DST: variants seen among roughly 807,000 people sequenced by gnomAD.
The protein encoded by DST is bullous pemphigoid antigen.
DST carries 253 observed loss-of-function variants against 875.2 expected under a neutral mutation model. That is an observed-to-expected ratio of 0.29 (90% CI 0.26 to 0.32). The LOEUF (loss-of-function observed/expected upper bound fraction) is 0.32, where lower values mean the gene tolerates loss of function less well. Among genes scored for constraint, DST ranks in the 10% least tolerant of loss-of-function variants. The pLI, the probability that DST is intolerant of heterozygous loss-of-function variation, is 1.00. For synonymous variants in DST, 3,124 were observed against 3,197.1 expected (o/e 0.98, Z 0.77); for missense variants, 8,287 against 9,111.6 (o/e 0.91, Z 3.68).
chr6:56,731,939 T>G (rs1051994064), intron 5 of DST, among the ~76,000 whole-genome samples: 11 of 152,358 alleles, frequency 7.2e-5, no homozygotes, highest in Admixed American at 6.5e-4. Flanking sequence ...TCTAGATATT[T>G]TAAATGATAT....
At chr6:56,847,612 C>G (rs1361711103) in intron 4 of DST, among the ~76,000 whole-genome samples, 1 of 152,194 alleles carries the variant, frequency 6.6e-6, no homozygotes, top group Admixed American at 6.5e-5. Context: ...TTCCATCCCT[C>G]TAAAGTGGGC....
chr6:56,761,301 T>A (rs1321508016), intron 4 of DST, among the ~76,000 whole-genome samples: 2 of 152,174 alleles, frequency 1.3e-5, no homozygotes, highest in African/African-American at 2.4e-5. Flanking sequence ...CACAGAGTTA[T>A]TAAACGCTTA....
chr6:56,925,392 A>T (rs1806511495), intron 2 of DST, among the ~76,000 whole-genome samples: 1 of 152,236 alleles, frequency 6.6e-6, no homozygotes, highest in South Asian at 2.1e-4. Flanking sequence ...CCTAGACCCT[A>T]TGGAGATTGG....
At chr6:56,878,821 A>T (rs1750033086) in intron 3 of DST, among the ~76,000 whole-genome samples, 1 of 152,176 alleles carries the variant, frequency 6.6e-6, no homozygotes, top group Non-Finnish European at 1.5e-5. Flanking sequence ...AATCTCTGTC[A>T]AGCTGAGAGA....
intron 2 of DST, among the ~76,000 whole-genome samples, chr6:56,921,639 C>T (rs1415369067): frequency 6.6e-6 from 1 of 152,064 alleles, no homozygotes; most frequent in Non-Finnish European, 1.5e-5. Context: ...GCATTTTTCT[C>T]ATGTTGAAAT....
At chr6:56,643,632 G>A (rs192008282) in intron 15 of DST, among the ~76,000 whole-genome samples, 2 of 152,102 alleles carry the variant, frequency 1.3e-5, no homozygotes, top group African/African-American at 2.4e-5. Context: ...CAAAAAATTC[G>A]CATGAAGAAA....
intron 2 of DST, among the ~76,000 whole-genome samples, chr6:56,918,633 A>T (rs560876864): frequency 1.6e-3 from 237 of 152,366 alleles, no homozygotes; most frequent in African/African-American, 5.5e-3. Context: ...CTTTGTCTCT[A>T]AAAATGTACC....
chr6:56,904,791 A>C (rs930580387), intron 2 of DST, among the ~76,000 whole-genome samples: 2 of 152,058 alleles, frequency 1.3e-5, no homozygotes, highest in Non-Finnish European at 2.9e-5. Context: ...TGTTAATAAG[A>C]GTTACTCTTT....
At position 56,501,410 on chromosome 6, in the gene DST, T is replaced by C. The variant is rs114906986; in HGVS notation, c.19740+110A>G. ...AGTTTGACGCTCCTCATGGTTAAAATAGAATATATGAGAAGCAGAAATAAT... is the reference window on the plus strand; with the variant it reads ...AGTTTGACGCTCCTCATGGTTAAAACAGAATATATGAGAAGCAGAAATAAT... On this transcript the variant is annotated intron_variant, in intron 79 of 103. Coordinates refer to ENST00000680361, the MANE Select transcript of DST (RefSeq NM_001374736.1). The C allele has an allele frequency of 1.5e-3, 1,694 of 1,156,826 alleles. 16 individuals are homozygous for C. The African/African-American group carries it at 0.024, about 16-fold the overall frequency. 71.7% of individuals were successfully genotyped at this position (1,156,826 alleles called of 1,614,324 possible). A position where few individuals can be genotyped will look rare whatever the true frequency, so the allele number is the denominator to read the frequency against.
At chr6:56,632,567 T>C (rs1038720539) in intron 28 of DST, among the ~76,000 whole-genome samples, 1 of 152,210 alleles carries the variant, frequency 6.6e-6, no homozygotes, top group Non-Finnish European at 1.5e-5. Context: ...AATTGAATCT[T>C]TTCTGAAACT....
rs1212718415 is a variant in DST at position 56,648,579 on chromosome 6, T to C, written c.1545A>G (p.Val515=). 2.5e-6 allele frequency: 4 copies of C among 1,578,442 alleles called. No homozygotes were observed. Among genetic ancestry groups the C allele is most frequent in the Non-Finnish European group, 3.4e-6 (4 of 1,159,656 alleles). ...MSERTFPNNP[V]ELKALYNQYL... is the part of the protein sequence containing the mutation. ...CTACAGTGACACTAACCTTCAGTTC[T>C]ACAGGATTATTAGGAAATGTTCTCT... Residue 515 remains valine (V), a synonymous_variant, in exon 13 of 104, where the codon GTA becomes GTG. Transcript: ENST00000680361.
chr6:56,615,855 C>G (rs756438095), intron 36 of DST: 6 of 1,614,214 alleles, frequency 3.7e-6, no homozygotes, highest in Non-Finnish European at 4.2e-6. Flanking sequence ...GCTTCCACCA[C>G]TGACATCATT....
chr6:56,843,527 C>G, intron 4 of DST: 1 of 984,546 alleles, frequency 1.0e-6, no homozygotes, highest in Non-Finnish European at 1.2e-6. Flanking sequence ...CCTCTGCGGC[C>G]GCGCTGACCG....
chr6:56,705,613 G>A (rs186432676), intron 5 of DST, among the ~76,000 whole-genome samples: 1 of 151,684 alleles, frequency 6.6e-6, no homozygotes, highest in Admixed American at 6.5e-5. Context: ...GATTGATGAA[G>A]AAGAAGTTCC....
At chr6:56,711,041 T>C (rs1250687897) in intron 5 of DST, among the ~76,000 whole-genome samples, 2 of 152,112 alleles carry the variant, frequency 1.3e-5, no homozygotes, top group Non-Finnish European at 2.9e-5. Context: ...TGGTACTAGG[T>C]GGTACAAATA....
At chr6:56,535,658 A>G (rs909903892) in intron 62 of DST, among the ~76,000 whole-genome samples, 1 of 152,230 alleles carries the variant, frequency 6.6e-6, no homozygotes, top group African/African-American at 2.4e-5. Flanking sequence ...CCTTCTAATA[A>G]ATATCAGAGA....
intron 82 of DST, among the ~76,000 whole-genome samples, 170 bp from the exon 83 acceptor site, chr6:56,494,350 C>T (rs2095844143): frequency 6.6e-6 from 1 of 152,124 alleles, no homozygotes; most frequent in South Asian, 2.1e-4. Context: ...AACAATTAAA[C>T]CTACAGTCAT....
intron 77 of DST, among the ~76,000 whole-genome samples, 189 bp downstream of exon 77, chr6:56,506,254 A>G (rs1057407163): frequency 6.6e-6 from 1 of 152,236 alleles, no homozygotes; most frequent in Non-Finnish European, 1.5e-5. Context: ...AAATCTACAC[A>G]TATCTGAAAG....
At position 56,530,021 on chromosome 6, in the gene DST, T is replaced by A. The variant is rs535045295; in HGVS notation, c.17221A>T (p.Ile5741Leu). Residue 5741 changes from isoleucine to leucine, a missense_variant, in exon 65 of 104, where the codon ATA becomes TTA. Ile to Leu is a conservative substitution (Grantham distance 5, BLOSUM62 2). Coordinates refer to ENST00000680361, the MANE Select transcript of DST (RefSeq NM_001374736.1). ...TCAAGTTTAGATGCTTGGGTTCCTA[T>A]GGGTTCACAATTCACCAGCCTCTTT... Reference protein sequence around the residue: ...IEKRLVNCEPIGTQASKLEEQ... With the variant: ...IEKRLVNCEPLGTQASKLEEQ... 2 of 1,613,618 alleles carry A rather than the reference T, an allele frequency of 1.2e-6. No individual in the cohort carries two copies. The highest frequency in any genetic ancestry group is 2.2e-5 in the South Asian group (2 of 91,068).
Sources: allele counts gnomAD v4.1 joint callset (sites outside exome capture counted in the v4.1 genomes callset), GRCh38; gene constraint gnomAD v4.1.1; transcripts MANE v1.5; gene names NCBI Gene and HGNC (gene_info 2026-07-23, HGNC 2026-07-21).